MAP4K2: variants seen among roughly 807,000 people sequenced by gnomAD.
MAP4K2 encodes B lymphocyte serine/threonine protein kinase.
A neutral mutation model predicts 125.3 loss-of-function variants in MAP4K2; 85 were observed. The ratio of observed to expected loss-of-function variants is 0.68; its 90% CI spans 0.57 to 0.81. The LOEUF (loss-of-function observed/expected upper bound fraction) is 0.81, where lower values mean the gene tolerates loss of function less well. Ranked by LOEUF, MAP4K2 falls within the 40% of genes least tolerant of loss-of-function variation. The pLI is 0.00. For synonymous variants in MAP4K2, 479 were observed against 445.1 expected, an observed-to-expected ratio of 1.08 and a Z score of -0.96; for missense variants, 923 against 1,056.4, an observed-to-expected ratio of 0.87 and a Z score of 1.75.
At chr11:64,798,446 A>G (rs528432319) in intron 15 of MAP4K2, among the ~76,000 whole-genome samples, 5 of 151,254 alleles carry the variant, frequency 3.3e-5, no homozygotes, top group East Asian at 3.9e-4. Context: ...TTACAGGCGT[A>G]AGCCACCACA....
At position 64,802,827 on chromosome 11, in the gene MAP4K2, C is replaced by T. The variant is rs1941307181; in HGVS notation, c.154+58G>A. ...GAAACGTCAACCCTCCGCCCGCACC[C>T]CGCGCCCGCGGGCGCTCTGCCCTTC... is the stretch of plus-strand genomic sequence containing the variant. On this transcript the variant is annotated intron_variant, in intron 2 of 31. Coordinates refer to ENST00000294066, the MANE Select transcript of MAP4K2 (RefSeq NM_004579.5). 4 of 1,555,988 alleles carry T rather than the reference C, an allele frequency of 2.6e-6. No homozygotes were observed. The East Asian group carries it at 9.6e-5, about 37-fold the overall frequency.
In MAP4K2 at chr11:64,786,940, G is replaced by A. The variant is rs1053355923; in HGVS notation, c.*2597C>T. 8 of 150,832 alleles carry A rather than the reference G, an allele frequency of 5.3e-5. No homozygotes were observed. The highest frequency in any genetic ancestry group is 1.2e-4 in the African/African-American group (5 of 40,948). The allele number at this position is 150,832 out of a possible 1,614,324, so 9.3% of individuals were successfully genotyped here. On this transcript the variant is annotated 3_prime_UTR_variant, in exon 32 of 32. Coordinates refer to ENST00000294066, the MANE Select transcript of MAP4K2 (RefSeq NM_004579.5). ...TTTTTTTTAAAGGGAGATCTTTAACGCAAAACTCTCCAGGATATATACATA... is the reference window on the plus strand; with the variant it reads ...TTTTTTTTAAAGGGAGATCTTTAACACAAAACTCTCCAGGATATATACATA...
Position 64,802,027 on chromosome 11 carries a change from T to A in MAP4K2, c.366+39A>T, listed in dbSNP as rs118012309. The stretch of plus-strand genomic sequence containing the variant: ...ATCTGGGCTCCTGGCCCACAGCTTC[T>A]GGAGACCAGAGGTGTGGGCACCTCA... On this transcript the variant is annotated intron_variant, in intron 5 of 31. Transcript: ENST00000294066. 2.6e-4 allele frequency: 408 copies of A among 1,596,426 alleles called. 2 individuals are homozygous for A. The East Asian group carries it at 8.5e-3, about 33-fold the overall frequency.
intron 7 of MAP4K2, 68 bp from the exon 8 acceptor site, chr11:64,801,251 T>G: frequency 6.5e-7 from 1 of 1,547,278 alleles, no homozygotes. Flanking sequence ...CCCAGGGCTC[T>G]GGCTCGGCTG....
intron 14 of MAP4K2, 24 bp from the exon 15 acceptor site, chr11:64,798,861 C>A: frequency 6.3e-7 from 1 of 1,577,904 alleles, no homozygotes; most frequent in Non-Finnish European, 8.6e-7. Flanking sequence ...AGGTAGAGAC[C>A]GGGGAAGAAG....
chr11:64,800,392 C>G lies in MAP4K2; in HGVS notation c.726G>C (p.Trp242Cys). ...QPPKLRDKTR[W>C]TQNFHHFLKL... ...TGAGAAAGTGGTGGAAATTCTGGGT[C>G]CTAGAAGGCACAAGAGCCCCCCAGC... Residue 242 changes from tryptophan to cysteine, a missense_variant and splice_region_variant, in exon 11 of 32, where the codon TGG becomes TGC. Physicochemically the swap from Trp to Cys is radical, Grantham distance 215. Coordinates refer to ENST00000294066, the MANE Select transcript of MAP4K2 (RefSeq NM_004579.5). 6.2e-7 allele frequency: 1 copy of G among 1,614,000 alleles called. No individual in the cohort carries two copies. Among genetic ancestry groups the G allele is most frequent in the Non-Finnish European group, 8.5e-7 (1 of 1,180,000 alleles).
At position 64,789,002 on chromosome 11, in the gene MAP4K2, C is replaced by A; in HGVS notation, c.*535G>T. 6.1e-6 allele frequency: 1 copy of A among 164,218 alleles called. No individual in the cohort carries two copies. Among genetic ancestry groups the A allele is most frequent in the Non-Finnish European group, 1.3e-5 (1 of 75,064 alleles). The allele number at this position is 164,218 out of a possible 1,614,324, so 10.2% of individuals were successfully genotyped here. A position where few individuals can be genotyped will look rare whatever the true frequency, so the allele number is the denominator to read the frequency against. ...AGAAGGCTGCTGGGGGCCATGGCCT[C>A]CTGTCACCTCTACCTGGCTTCTCCA... On this transcript the variant is annotated 3_prime_UTR_variant, in exon 32 of 32. Transcript: ENST00000294066.
At position 64,803,165 on chromosome 11, in the gene MAP4K2, G is replaced by T. The variant is rs573202065; in HGVS notation, c.-16C>A. ...GCAGCGCCATGGCCCGGCGCCGGGCGGGCCGGCAGGCGGGCGGGCGCGAGC... is the reference window on the plus strand; with the variant it reads ...GCAGCGCCATGGCCCGGCGCCGGGCTGGCCGGCAGGCGGGCGGGCGCGAGC... On this transcript the variant is annotated 5_prime_UTR_variant, in exon 1 of 32. Coordinates refer to ENST00000294066, the MANE Select transcript of MAP4K2 (RefSeq NM_004579.5). 2.4e-4 allele frequency: 289 copies of T among 1,215,088 alleles called. No individual in the cohort carries two copies. The African/African-American group carries it at 4.3e-3, about 18-fold the overall frequency. The allele number at this position is 1,215,088 out of a possible 1,614,324, so 75.3% of individuals were successfully genotyped here.
Position 64,790,018 on chromosome 11 carries a change from C to T in MAP4K2, c.2249-59G>A, listed in dbSNP as rs1039260843. 6 of 1,598,028 alleles carry T rather than the reference C, an allele frequency of 3.8e-6. No homozygotes were observed. The African/African-American group carries it at 8.1e-5, about 21-fold the overall frequency. ...CATCTTGGCACCCCCTCAGCCACGC[C>T]TGAGCCTGGGTCTGGGCCACAGGGG... is the stretch of plus-strand genomic sequence containing the variant. On this transcript the variant is annotated intron_variant, in intron 29 of 31. Transcript: ENST00000294066.
At position 64,792,000 on chromosome 11, in the gene MAP4K2, C is replaced by G. The variant is rs1346430547; in HGVS notation, c.2001G>C (p.Gly667=). The change falls in exon 27 of 32, where the codon GGG becomes GGC. Residue 667 remains glycine (G), a synonymous_variant. Transcript: ENST00000294066. The stretch of plus-strand genomic sequence containing the variant: ...AGCCGGGCCCCTCAGGCCCCTCGGC[C>G]CCAACACACACCTGCGGCAGCTCCT... The part of the protein sequence containing the change: ...DGKELPQVCV[G]AEGPEGPGCR... The G allele has an allele frequency of 6.2e-7, 1 of 1,601,766 alleles. No individual in the cohort carries two copies. The highest frequency in any genetic ancestry group is 8.5e-7 in the Non-Finnish European group (1 of 1,174,776).
At position 64,793,543 on chromosome 11, in the gene MAP4K2, T is replaced by C. The variant is rs143924357; in HGVS notation, c.1752-1121A>G. ...GGGACCCTCTCAGCCTGTTTCTTCC[T>C]CTGGGGAATGGGGCTTCCTGTCAGC... On this transcript the variant is annotated intron_variant, in intron 24 of 31. Coordinates refer to ENST00000294066, the MANE Select transcript of MAP4K2 (RefSeq NM_004579.5). Among the ~76,000 whole-genome samples the C allele has an allele frequency of 2.5e-3, 383 of 152,214 alleles. 1 individual carries two copies. The highest frequency in any genetic ancestry group is 8.2e-3 in the African/African-American group (342 of 41,544).
Position 64,802,579 on chromosome 11 carries a change from T to G in MAP4K2, c.229A>C (p.Ile77Leu). ...CAGCCTCACCTGAGGTAGCTGCCAA[T>G]GTAGGCCACCACATTGGGGTGGCGG... Reference protein sequence around the residue: ...ECRHPNVVAYIGSYLRNDRLW... With the variant: ...ECRHPNVVAYLGSYLRNDRLW... The change falls in exon 3 of 32, where the codon ATT becomes CTT. Residue 77 changes from isoleucine (I) to leucine (L), a missense_variant. By Grantham distance (5) the Ile-to-Leu change is conservative. Coordinates refer to ENST00000294066, the MANE Select transcript of MAP4K2 (RefSeq NM_004579.5). 6.2e-7 allele frequency: 1 copy of G among 1,610,412 alleles called. No individual in the cohort carries two copies. The highest frequency in any genetic ancestry group is 8.5e-7 in the Non-Finnish European group (1 of 1,178,520).
rs1262737918 is a variant in MAP4K2 at position 64,797,040 on chromosome 11, G to C, written c.1366-17C>G. ...GGATGACCTCTGGGAGGGAGGAAAG[G>C]AGTCAGGGCTGATATGACAGCTGTA... On this transcript the variant is annotated splice_polypyrimidine_tract_variant and intron_variant, in intron 19 of 31. Coordinates refer to ENST00000294066, the MANE Select transcript of MAP4K2 (RefSeq NM_004579.5). 1 of 1,613,984 alleles carries C rather than the reference G, an allele frequency of 6.2e-7. No homozygotes were observed. Among genetic ancestry groups the C allele is most frequent in the Non-Finnish European group, 8.5e-7 (1 of 1,180,000 alleles).
chr11:64,789,297 A>T lies in MAP4K2; in HGVS notation c.*240T>A. ...AGGGTCCCTGCCTTGGGCACTAGGG[A>T]CTGGGCTGCCTCGGGGATGGGGGAG... On this transcript the variant is annotated 3_prime_UTR_variant, in exon 32 of 32. Coordinates refer to ENST00000294066, the MANE Select transcript of MAP4K2 (RefSeq NM_004579.5). The T allele has an allele frequency of 1.8e-6, 1 of 557,826 alleles. No homozygotes were observed. The allele number at this position is 557,826 out of a possible 1,614,324, so 34.6% of individuals were successfully genotyped here.
intron 27 of MAP4K2, among the ~76,000 whole-genome samples, chr11:64,791,090 C>T (rs1262112651): frequency 6.6e-6 from 1 of 152,170 alleles, no homozygotes; most frequent in Non-Finnish European, 1.5e-5. Flanking sequence ...GAGCCGAGAT[C>T]GTGCCATTGC....
intron 22 of MAP4K2, 26 bp downstream of exon 22, chr11:64,796,608 G>A (rs964862206): frequency 3.7e-6 from 6 of 1,613,812 alleles, no homozygotes; most frequent in Non-Finnish European, 5.1e-6. Context: ...CAAGGCCTCT[G>A]CCCCCCACAG....
intron 27 of MAP4K2, 69 bp from the exon 28 acceptor site, chr11:64,790,531 G>A (rs1940416170): frequency 1.4e-6 from 2 of 1,458,378 alleles, no homozygotes; most frequent in East Asian, 2.3e-5. Context: ...GGATACGGGG[G>A]CCAGGCTACA....
intron 24 of MAP4K2, among the ~76,000 whole-genome samples, chr11:64,795,688 C>T (rs569596097): frequency 7.7e-4 from 118 of 152,282 alleles, no homozygotes; most frequent in Middle Eastern, 3.4e-3. Context: ...AGGCGTGAGC[C>T]CCCCCGCCCA....
At chr11:64,795,682 G>A (rs1201383765) in intron 24 of MAP4K2, among the ~76,000 whole-genome samples, 1 of 152,162 alleles carries the variant, frequency 6.6e-6, no homozygotes, top group African/African-American at 2.4e-5. Context: ...GATTACAGGC[G>A]TGAGCCCCCC....
Sources: allele counts gnomAD v4.1 joint callset (sites outside exome capture counted in the v4.1 genomes callset), GRCh38; gene constraint gnomAD v4.1.1; transcripts MANE v1.5; gene names NCBI Gene and HGNC (gene_info 2026-07-23, HGNC 2026-07-21).